NCBP1: variants seen among roughly 807,000 people sequenced by gnomAD.
NCBP1 encodes the protein nuclear cap binding protein subunit 1.
NCBP1 carries 16 observed loss-of-function variants against 111.7 expected under a neutral mutation model. The ratio of observed to expected loss-of-function variants is 0.14; its 90% CI spans 0.10 to 0.22. The LOEUF (loss-of-function observed/expected upper bound fraction) is 0.22, where lower values mean the gene tolerates loss of function less well. NCBP1 is among the 10% of genes least tolerant of loss of function. The pLI, the probability that NCBP1 is intolerant of heterozygous loss-of-function variation, is 1.00. For missense variants in NCBP1, 607 were observed against 957.5 expected, an observed-to-expected ratio of 0.63 and a Z score of 4.83; for synonymous variants, 304 against 314.3, an observed-to-expected ratio of 0.97 and a Z score of 0.35.
rs200973864 is a variant in NCBP1, at chr9:97,640,908, G to A, written c.123+26G>A. 7.3e-6 allele frequency: 11 copies of A among 1,509,174 alleles called. No homozygotes were observed. The African/African-American group carries it at 1.3e-4, about 17-fold the overall frequency. 93.5% of individuals were successfully genotyped at this position (1,509,174 alleles called of 1,614,324 possible). A position where few individuals can be genotyped will look rare whatever the true frequency, so the allele number is the denominator to read the frequency against. On this transcript the variant is annotated intron_variant, in intron 2 of 22. Transcript: ENST00000375147. ...GTATGTCACACAATAGGCACAGGCT[G>A]TGATGGGTTTAAGAATGTGGTTAAC...
At chr9:97,655,274 G>A (rs1363608772) in intron 12 of NCBP1, among the ~76,000 whole-genome samples, 1 of 152,128 alleles carries the variant, frequency 6.6e-6, no homozygotes, top group Non-Finnish European at 1.5e-5. Flanking sequence ...GCAGTGGGAT[G>A]AGCATAGCTC....
At chr9:97,654,059 TCTGTA>T in intron 11 of NCBP1, 151 bp downstream of exon 11, 1 of 604,936 alleles carries the variant, frequency 1.7e-6, no homozygotes, top group Non-Finnish European at 2.9e-6. Context: ...TACTTGTATG[TCTGTA>T]AATACATATG....
intron 18 of NCBP1, 67 bp from the exon 19 acceptor site, chr9:97,664,273 G>C (rs1455180602): frequency 1.0e-6 from 1 of 967,586 alleles, no homozygotes. Flanking sequence ...TAGCAGCAGT[G>C]TGGTGGCACA....
chr9:97,636,664 A>G (rs992943692), intron 1 of NCBP1, among the ~76,000 whole-genome samples: 19 of 139,208 alleles, frequency 1.4e-4, no homozygotes, highest in Non-Finnish European at 2.0e-4. Flanking sequence ...ATATATATAT[A>G]TATATATATA....
intron 13 of NCBP1, 37 bp downstream of exon 13, chr9:97,655,801 A>T (rs1197034489): frequency 6.5e-7 from 1 of 1,542,998 alleles, no homozygotes; most frequent in Non-Finnish European, 8.9e-7. Context: ...TCTGTAGTCA[A>T]AAAACTACTA....
intron 11 of NCBP1, among the ~76,000 whole-genome samples, chr9:97,654,158 T>A (rs1299490966): frequency 6.6e-6 from 1 of 152,194 alleles, no homozygotes; most frequent in Non-Finnish European, 1.5e-5. Context: ...TTGCCTAGAT[T>A]GACTTTTCCT....
chr9:97,633,924 C>T lies in NCBP1; in HGVS notation c.34+9C>T. Reference sequence around the variant, plus strand: ...CAGCGACGAGAACGACGGTGAGTGCCTGCGGCCCGGCCACGGAGGCCGCTC... The same window carrying T: ...CAGCGACGAGAACGACGGTGAGTGCTTGCGGCCCGGCCACGGAGGCCGCTC... On this transcript the variant is annotated intron_variant, in intron 1 of 22. Coordinates refer to ENST00000375147, the MANE Select transcript of NCBP1 (RefSeq NM_002486.5). The T allele has an allele frequency of 2.5e-6, 4 of 1,584,418 alleles. No individual in the cohort carries two copies. Among genetic ancestry groups the T allele is most frequent in the South Asian group, 1.1e-5 (1 of 88,514 alleles).
At chr9:97,671,051 T>C in intron 22 of NCBP1, 35 bp from the exon 23 acceptor site, 1 of 1,415,608 alleles carries the variant, frequency 7.1e-7, no homozygotes, top group Non-Finnish European at 1.0e-6. Context: ...ATATGCTTTT[T>C]CCTGACCTAA....
chr9:97,671,042 T>C (rs1267132990), intron 22 of NCBP1, 44 bp from the exon 23 acceptor site: 1 of 1,310,984 alleles, frequency 7.6e-7, no homozygotes, highest in Non-Finnish European at 1.1e-6. Context: ...AGATTGCTTA[T>C]ATGCTTTTTC....
At chr9:97,643,505 C>T (rs933129259) in intron 4 of NCBP1, 145 bp downstream of exon 4, 4 of 836,352 alleles carry the variant, frequency 4.8e-6, no homozygotes, top group Non-Finnish European at 7.0e-6. Flanking sequence ...TTTGACGATA[C>T]CCCCAAATCT....
At chr9:97,636,010 A>G (rs1827014508) in intron 1 of NCBP1, 1 of 152,224 alleles carries the variant, frequency 6.6e-6, no homozygotes, top group Non-Finnish European at 1.5e-5. Flanking sequence ...TGGCAGCCAA[A>G]TCACTGTCCA....
intron 14 of NCBP1, among the ~76,000 whole-genome samples, chr9:97,658,307 T>G (rs57940370): frequency 1.3e-5 from 2 of 152,222 alleles, no homozygotes; most frequent in Admixed American, 6.5e-5. Flanking sequence ...TTGGCTTCCA[T>G]TATCCTCAAT....
At chr9:97,670,990 C>T (rs578006520) in intron 22 of NCBP1, 96 bp from the exon 23 acceptor site, 13 of 686,212 alleles carry the variant, frequency 1.9e-5, no homozygotes, top group South Asian at 1.7e-4. Context: ...CTCTTTTCAT[C>T]ATTCTGCAGC....
intron 1 of NCBP1, among the ~76,000 whole-genome samples, chr9:97,639,584 A>G (rs767825579): frequency 6.6e-6 from 1 of 152,162 alleles, no homozygotes; most frequent in Non-Finnish European, 1.5e-5. Flanking sequence ...TTTCATTATT[A>G]ATACCGATTC....
intron 16 of NCBP1, 64 bp downstream of exon 16, chr9:97,661,132 ACT>A (rs1827822858): frequency 3.8e-6 from 6 of 1,583,248 alleles, no homozygotes; most frequent in South Asian, 1.1e-5. Context: ...CATAAACATA[ACT>A]CTGGCAACAT....
intron 1 of NCBP1, 88 bp downstream of exon 1, chr9:97,634,003 G>C: frequency 7.2e-7 from 1 of 1,391,648 alleles, no homozygotes; most frequent in Non-Finnish European, 9.6e-7. Flanking sequence ...GAGACTGGAA[G>C]CTCTTCTCCC....
chr9:97,663,889 A>G (rs1787946309), intron 18 of NCBP1, among the ~76,000 whole-genome samples: 1 of 151,964 alleles, frequency 6.6e-6, no homozygotes, highest in Admixed American at 6.6e-5. Context: ...CTTAAGACCT[A>G]ATGATCAGGC....
At chr9:97,637,833 T>C (rs1407173510) in intron 1 of NCBP1, among the ~76,000 whole-genome samples, 1 of 152,216 alleles carries the variant, frequency 6.6e-6, no homozygotes, top group African/African-American at 2.4e-5. Context: ...TGTAAGGCTA[T>C]AAGATGTACA....
rs1828260267 is a variant in NCBP1, at chr9:97,673,509, C to T, written c.*2310C>T. Reference sequence around the variant, plus strand: ...CTTCATGTATAATGGTTGCTTTTAACAGCTGTTCGCTGATGTGGTCCTGCT... The same window carrying T: ...CTTCATGTATAATGGTTGCTTTTAATAGCTGTTCGCTGATGTGGTCCTGCT... On this transcript the variant is annotated 3_prime_UTR_variant, in exon 23 of 23. Coordinates refer to ENST00000375147, the MANE Select transcript of NCBP1 (RefSeq NM_002486.5). The T allele has an allele frequency of 6.6e-6, 1 of 152,154 alleles. No individual in the cohort carries two copies. Among genetic ancestry groups the T allele is most frequent in the Admixed American group, 6.5e-5 (1 of 15,268 alleles). The allele number at this position is 152,154 out of a possible 1,614,324, so 9.4% of individuals were successfully genotyped here. A position where few individuals can be genotyped will look rare whatever the true frequency, so the allele number is the denominator to read the frequency against.
Sources: allele counts gnomAD v4.1 joint callset (sites outside exome capture counted in the v4.1 genomes callset), GRCh38; gene constraint gnomAD v4.1.1; transcripts MANE v1.5; gene names NCBI Gene and HGNC (gene_info 2026-07-23, HGNC 2026-07-21).